The following ANO4 variants were observed in gnomAD, a reference collection of about 807,000 sequenced individuals.
ANO4 encodes the protein anoctamin 4.
In ANO4, 69 loss-of-function variants were observed where a neutral mutation model predicts 141.9. The observed-to-expected ratio is 0.49, with a 90% CI of 0.40 to 0.59. The LOEUF is 0.59. Among genes scored for constraint, ANO4 ranks in the 20% least tolerant of loss-of-function variants. The probability of loss-of-function intolerance (pLI) is 0.00; values close to 1 mark genes in which losing one functional copy is unlikely to be tolerated. For synonymous variants in ANO4, 350 were observed against 394.3 expected (o/e 0.89, Z 1.33); for missense variants, 894 against 1,162.2 (o/e 0.77, Z 3.36).
At chr12:100,955,876 T>G (rs1336406321) in intron 5 of ANO4, among the ~76,000 whole-genome samples, 1 of 152,140 alleles carries the variant, frequency 6.6e-6, no homozygotes, top group African/African-American at 2.4e-5. Context: ...CATGATAGAC[T>G]TTGAATTGAG....
chr12:100,933,556 T>A (rs1281920311), intron 3 of ANO4, among the ~76,000 whole-genome samples: 1 of 152,246 alleles, frequency 6.6e-6, no homozygotes, highest in Non-Finnish European at 1.5e-5. Flanking sequence ...TTTTTGCTAT[T>A]GCAAATAGTG....
At chr12:101,003,589 T>C (rs2136412978) in intron 8 of ANO4, among the ~76,000 whole-genome samples, 1 of 152,326 alleles carries the variant, frequency 6.6e-6, no homozygotes, top group Non-Finnish European at 1.5e-5. Context: ...TGTTTTGTTT[T>C]GTCACATTCG....
chr12:100,830,650 ACT>A lies in ANO4; in HGVS notation c.-141+35628_-141+35629del, dbSNP rs1200760220. ...TGGACATCACATGGGCCATCCAGCC[ACT>A]CTCTGTTGGTTCTTATGTCATCCTT... On this transcript the variant is annotated intron_variant, in intron 1 of 27. Coordinates refer to ENST00000392977, the MANE Select transcript of ANO4 (RefSeq NM_001286615.2). 3.3e-5 allele frequency among the ~76,000 whole-genome samples: 5 copies of A among 151,726 alleles called. No individual in the cohort carries two copies. The South Asian group carries it at 8.3e-4, about 25-fold the overall frequency.
At chr12:100,723,215 TG>T (rs1265566563) in intron 1 of ANO4, among the ~76,000 whole-genome samples, 5 of 152,254 alleles carry the variant, frequency 3.3e-5, no homozygotes, top group Non-Finnish European at 5.9e-5. Context: ...TAAAACGTTA[TG>T]TTTTTTTGTA....
chr12:101,100,699 T>C (rs1357662965), intron 22 of ANO4, among the ~76,000 whole-genome samples: 2 of 152,184 alleles, frequency 1.3e-5, no homozygotes, highest in African/African-American at 2.4e-5. Context: ...TCCTGAAGTA[T>C]CTTTGCAACA....
chr12:101,114,032 C>T (rs1198635084), intron 24 of ANO4, among the ~76,000 whole-genome samples: 1 of 152,140 alleles, frequency 6.6e-6, no homozygotes, highest in Non-Finnish European at 1.5e-5. Flanking sequence ...CTCAATTCTC[C>T]CTGATCATCA....
At chr12:100,847,661 C>G (rs540896261) in intron 1 of ANO4, among the ~76,000 whole-genome samples, 2 of 151,968 alleles carry the variant, frequency 1.3e-5, no homozygotes, top group Admixed American at 6.6e-5. Context: ...TTAGTAGAGA[C>G]GGGGTTTCAC....
intron 3 of ANO4, among the ~76,000 whole-genome samples, chr12:100,761,274 G>T (rs1274590987): frequency 2.6e-5 from 4 of 152,138 alleles, no homozygotes; most frequent in African/African-American, 9.7e-5. Context: ...CTCTTGGGGT[G>T]ATTTCCAGTG....
intron 19 of ANO4, 89 bp from the exon 20 acceptor site, chr12:101,097,562 A>G: frequency 7.9e-7 from 1 of 1,258,160 alleles, no homozygotes. Context: ...GCAGTCATTC[A>G]CATTGGAGAA....
At chr12:100,777,919 A>ATT (rs373496240) in intron 3 of ANO4, among the ~76,000 whole-genome samples, 14 of 134,906 alleles carry the variant, frequency 1.0e-4, no homozygotes, top group East Asian at 4.4e-4. Context: ...AATGCTTACA[A>ATT]TTTTTTTTTT....
At chr12:100,778,903 T>C (rs1196628175) in intron 3 of ANO4, among the ~76,000 whole-genome samples, 1 of 152,192 alleles carries the variant, frequency 6.6e-6, no homozygotes, top group Non-Finnish European at 1.5e-5. Context: ...GTTGGGAAGC[T>C]TCACTAACAC....
At chr12:100,781,406 A>G (rs1299656024) in intron 3 of ANO4, among the ~76,000 whole-genome samples, 1 of 152,158 alleles carries the variant, frequency 6.6e-6, no homozygotes, top group Non-Finnish European at 1.5e-5. Context: ...ACTACAAGCA[A>G]TGCATAGACC....
At chr12:100,855,124 G>A (rs1005161990) in intron 1 of ANO4, among the ~76,000 whole-genome samples, 3 of 151,998 alleles carry the variant, frequency 2.0e-5, no homozygotes, top group Non-Finnish European at 4.4e-5. Flanking sequence ...TGTTTCTATA[G>A]CTGGGGCATT....
At chr12:100,947,433 C>G (rs192009581) in intron 5 of ANO4, among the ~76,000 whole-genome samples, 1 of 152,216 alleles carries the variant, frequency 6.6e-6, no homozygotes, top group Non-Finnish European at 1.5e-5. Flanking sequence ...CAACCCTTCA[C>G]TTTGCTTCTA....
At chr12:101,028,498 T>C (rs2046834690) in intron 9 of ANO4, among the ~76,000 whole-genome samples, 1 of 152,080 alleles carries the variant, frequency 6.6e-6, no homozygotes, top group African/African-American at 2.4e-5. Flanking sequence ...CCGATGGAGC[T>C]GAAAAACACA....
At chr12:100,935,905 T>C (rs2042267236) in intron 3 of ANO4, among the ~76,000 whole-genome samples, 2 of 152,190 alleles carry the variant, frequency 1.3e-5, no homozygotes, top group South Asian at 2.1e-4. Context: ...GCTGATAATA[T>C]CAGAAACAGT....
Position 100,784,955 on chromosome 12 carries a change from T to C in ANO4, c.358+44850T>C, listed in dbSNP as rs947278736. On this transcript the variant is annotated intron_variant, in intron 3 of 29. Coordinates refer to the ANO4 transcript ENST00000644049. Reference sequence around the variant, plus strand: ...TTTTTTTTTCATCTTTTCTTTCTTCTTCTATTCTCTCTCTCTCTTTCTCTT... The same window carrying C: ...TTTTTTTTTCATCTTTTCTTTCTTCCTCTATTCTCTCTCTCTCTTTCTCTT... Among the ~76,000 whole-genome samples the C allele has an allele frequency of 1.2e-4, 19 of 152,200 alleles. 1 individual carries two copies. The highest frequency in any genetic ancestry group is 4.6e-4 in the Admixed American group (7 of 15,290).
At chr12:100,736,738 A>G (rs2031635760) in intron 2 of ANO4, among the ~76,000 whole-genome samples, 1 of 152,184 alleles carries the variant, frequency 6.6e-6, no homozygotes, top group Non-Finnish European at 1.5e-5. Flanking sequence ...TAGTGTCCTT[A>G]TAAGAAGGGA....
At chr12:100,984,159 C>T (rs143320670) in intron 7 of ANO4, among the ~76,000 whole-genome samples, 45 of 152,182 alleles carry the variant, frequency 3.0e-4, no homozygotes, top group African/African-American at 9.9e-4. Context: ...TACAATGGTG[C>T]GATCTCGGCT....
Sources: allele counts gnomAD v4.1 joint callset (sites outside exome capture counted in the v4.1 genomes callset), GRCh38; gene constraint gnomAD v4.1.1; transcripts MANE v1.5; gene names NCBI Gene and HGNC (gene_info 2026-07-23, HGNC 2026-07-21).